ABCC9: variants seen among roughly 807,000 people sequenced by gnomAD.
ABCC9 encodes the protein ATP-binding cassette sub-family C member 9.
A neutral mutation model predicts 188.3 loss-of-function variants in ABCC9; 95 were observed. That is an observed-to-expected ratio of 0.50 (90% CI 0.43 to 0.60). The LOEUF (loss-of-function observed/expected upper bound fraction) is 0.60. Ranked by LOEUF, ABCC9 falls within the 20% of genes least tolerant of loss-of-function variation. The pLI is 0.00. For missense variants in ABCC9, 1,102 were observed against 1,876.3 expected (o/e 0.59, Z 7.62); for synonymous variants, 659 against 652.7 (o/e 1.01, Z -0.15).
Position 21,906,198 on chromosome 12 carries a change from T to C in ABCC9, c.1546A>G (p.Lys516Glu). 6.2e-7 allele frequency: 1 copy of C among 1,613,244 alleles called. No individual in the cohort carries two copies. The highest frequency in any genetic ancestry group is 8.5e-7 in the Non-Finnish European group (1 of 1,179,428). The change falls in exon 12 of 40, where the codon AAA (lysine) becomes GAA (glutamate). Residue 516 changes from lysine (K) to glutamate (E), a missense_variant. Lys to Glu is a moderately conservative substitution (Grantham distance 56). Coordinates refer to ENST00000261200, the MANE Select transcript of ABCC9 (RefSeq NM_020297.4). ...KLYAWEHIFC[K>E]SVEETRMKEL... Reference sequence around the variant, plus strand: ...TTCATTCTTGTTTCCTCCACACTTTTGCAGAAAATGTGTTCCCAGGCATAC... The same window carrying C: ...TTCATTCTTGTTTCCTCCACACTTTCGCAGAAAATGTGTTCCCAGGCATAC...
chr12:21,918,421 G>C (rs1274049808), intron 5 of ABCC9, among the ~76,000 whole-genome samples: 1 of 151,994 alleles, frequency 6.6e-6, no homozygotes, highest in Non-Finnish European at 1.5e-5. Flanking sequence ...TATGGTACTG[G>C]TATAGATTAT....
intron 18 of ABCC9, among the ~76,000 whole-genome samples, chr12:21,868,522 TC>T (rs1180717465): frequency 1.3e-5 from 2 of 151,976 alleles, no homozygotes; most frequent in East Asian, 3.9e-4. Flanking sequence ...ACCTGTAGTC[TC>T]AGCTACTCAG....
chr12:21,816,036 GTTTTTTTTTTTT>G (rs10611051), intron 33 of ABCC9, 143 bp from the exon 34 acceptor site: 66 of 58,246 alleles, frequency 1.1e-3, no homozygotes, highest in East Asian at 2.9e-3. Flanking sequence ...CTATGTGGCA[GTTTTTTTTTTTT>G]TTTTTTTTTT....
intron 10 of ABCC9, among the ~76,000 whole-genome samples, chr12:21,909,922 GC>G (rs1436212864): frequency 2.0e-5 from 3 of 151,892 alleles, no homozygotes; most frequent in Non-Finnish European, 4.4e-5. Context: ...GAGGAGTTAA[GC>G]ACTTGTGTAA....
At chr12:21,858,046 G>C (rs1048534504) in intron 22 of ABCC9, among the ~76,000 whole-genome samples, 3 of 152,202 alleles carry the variant, frequency 2.0e-5, no homozygotes, top group African/African-American at 7.2e-5. Flanking sequence ...GTAATGAAAG[G>C]GTGGGAATTG....
chr12:21,860,589 G>C (rs1215467640), intron 21 of ABCC9, among the ~76,000 whole-genome samples: 2 of 152,218 alleles, frequency 1.3e-5, no homozygotes, highest in Middle Eastern at 3.4e-3. Context: ...AAAGAAAAAA[G>C]AGCACTTTAA....
chr12:21,885,858 T>C (rs1946852298), intron 15 of ABCC9, among the ~76,000 whole-genome samples: 1 of 152,140 alleles, frequency 6.6e-6, no homozygotes, highest in Non-Finnish European at 1.5e-5. Context: ...CAAGATTGCC[T>C]TTTTTAGCAG....
At chr12:21,816,333 A>G (rs1284180231) in intron 33 of ABCC9, among the ~76,000 whole-genome samples, 1 of 152,002 alleles carries the variant, frequency 6.6e-6, no homozygotes, top group African/African-American at 2.4e-5. Flanking sequence ...CGAAAGACAC[A>G]GCTCAAGGTG....
intron 27 of ABCC9, 30 bp from the exon 28 acceptor site, chr12:21,844,582 T>C (rs1269718275): frequency 6.3e-7 from 1 of 1,593,872 alleles, no homozygotes; most frequent in African/African-American, 1.3e-5. Context: ...AAGTATATGA[T>C]AATACTAAAC....
chr12:21,931,927 G>T (rs1949305244), intron 4 of ABCC9, among the ~76,000 whole-genome samples: 1 of 151,998 alleles, frequency 6.6e-6, no homozygotes, highest in Non-Finnish European at 1.5e-5. Flanking sequence ...CCTGCGAAAA[G>T]CCCTCATAAA....
intron 30 of ABCC9, among the ~76,000 whole-genome samples, chr12:21,834,786 T>TATACACACACACAC (rs113973392): frequency 2.3e-4 from 32 of 141,506 alleles, no homozygotes; most frequent in African/African-American, 4.2e-4. Context: ...TATAACATTA[T>TATACACACACACAC]ACACACACAC....
At chr12:21,844,622 A>G (rs1592050905) in intron 27 of ABCC9, 70 bp from the exon 28 acceptor site, 3 of 1,553,546 alleles carry the variant, frequency 1.9e-6, no homozygotes, top group East Asian at 4.5e-5. Context: ...GCTAATGGGC[A>G]TCTTAGTGTC....
chr12:21,845,401 T>G (rs1944603510), intron 26 of ABCC9, among the ~76,000 whole-genome samples: 1 of 152,150 alleles, frequency 6.6e-6, no homozygotes, highest in African/African-American at 2.4e-5. Flanking sequence ...TATGATAAAC[T>G]TTAAAAGTAT....
intron 15 of ABCC9, among the ~76,000 whole-genome samples, chr12:21,883,969 G>C (rs1946755384): frequency 6.6e-6 from 1 of 152,102 alleles, no homozygotes; most frequent in Non-Finnish European, 1.5e-5. Context: ...AATGGCTAAA[G>C]AGAAAGTAGA....
rs1365499260 is a variant in ABCC9, at chr12:21,895,293, G to A, written c.1641C>T (p.Pro547=). ...GTCTTACAGCAAGAACAGCTGCTAT[G>A]GGAATTGCTGCATTCATGAAGACTG... ...SLSIFMNAAI[P]IAAVLATFVT... is the part of the protein sequence containing the mutation. Residue 547 remains proline, a synonymous_variant, in exon 13 of 40, where the codon CCC becomes CCT. Coordinates refer to ENST00000261200, the MANE Select transcript of ABCC9 (RefSeq NM_020297.4). The A allele has an allele frequency of 1.2e-6, 2 of 1,613,582 alleles. No homozygotes were observed. Among genetic ancestry groups the A allele is most frequent in the Non-Finnish European group, 1.7e-6 (2 of 1,179,678 alleles).
intron 29 of ABCC9, among the ~76,000 whole-genome samples, chr12:21,841,972 T>C (rs565115822): frequency 2.0e-5 from 3 of 152,326 alleles, no homozygotes; most frequent in East Asian, 3.9e-4. Context: ...CATGGGGAAG[T>C]GATTCCAGGA....
At chr12:21,917,260 T>C (rs959070116) in intron 5 of ABCC9, among the ~76,000 whole-genome samples, 157 bp from the exon 6 acceptor site, 8 of 152,164 alleles carry the variant, frequency 5.3e-5, no homozygotes, top group African/African-American at 1.9e-4. Flanking sequence ...TATGATTTAG[T>C]GTACTTCTGG....
intron 12 of ABCC9, among the ~76,000 whole-genome samples, chr12:21,903,141 A>G (rs1017381302): frequency 1.2e-4 from 18 of 152,228 alleles, no homozygotes; most frequent in Non-Finnish European, 2.4e-4. Flanking sequence ...CGTTCAACAT[A>G]CGCAAATCCA....
intron 30 of ABCC9, chr12:21,831,315 T>C (rs1197018724): frequency 6.6e-6 from 1 of 152,128 alleles, no homozygotes; most frequent in Non-Finnish European, 1.5e-5. Context: ...GCTCATTCTT[T>C]TTTGTACTTG....
Sources: gnomAD v4.1 joint callset for allele counts (sites outside exome capture counted in the v4.1 genomes callset) on GRCh38, gnomAD v4.1.1 for gene constraint, MANE v1.5 for transcripts, NCBI Gene and HGNC (gene_info 2026-07-23, HGNC 2026-07-21) for gene names.